The following HECW1 variants were observed in gnomAD, a reference collection of about 807,000 sequenced individuals.
HECW1 encodes the protein HECT, C2 and WW domain containing E3 ubiquitin protein ligase 1.
Under a neutral mutation model 182.3 loss-of-function variants are expected in HECW1, and 61 were observed. The ratio of observed to expected loss-of-function variants is 0.33; its 90% CI spans 0.27 to 0.41. The LOEUF is 0.41. Ranked by LOEUF, HECW1 falls within the 10% of genes least tolerant of loss-of-function variation. The pLI is 1.00. For synonymous variants in HECW1, 859 were observed against 832.6 expected (o/e 1.03, Z -0.55); for missense variants, 1,739 against 2,108.9 (o/e 0.82, Z 3.44).
At chr7:43,115,672 T>C (rs962896826) in intron 2 of HECW1, among the ~76,000 whole-genome samples, 3 of 152,204 alleles carry the variant, frequency 2.0e-5, no homozygotes, top group Non-Finnish European at 4.4e-5. Flanking sequence ...TTTTATAATT[T>C]AGGTATAGTC....
At chr7:43,364,537 C>T (rs1469557298) in intron 6 of HECW1, among the ~76,000 whole-genome samples, 2 of 152,242 alleles carry the variant, frequency 1.3e-5, no homozygotes, top group East Asian at 1.9e-4. Flanking sequence ...TGACCAGGCA[C>T]CTGCAGCAGC....
At position 43,237,140 on chromosome 7, in the gene HECW1, AGTAGGTAGGTAGGTAGGTAG is replaced by A. The variant is rs71008898; in HGVS notation, c.-31-6703_-31-6684del. Among the ~76,000 whole-genome samples the A allele has an allele frequency of 4.6e-3, 622 of 133,960 alleles. 4 individuals are homozygous for A. The highest frequency in any genetic ancestry group is 0.014 in the African/African-American group (541 of 37,854). The allele number at this position is 133,960 out of a possible 152,430, so 87.9% of individuals were successfully genotyped here. On this transcript the variant is annotated intron_variant, in intron 2 of 29. Coordinates refer to ENST00000395891, the MANE Select transcript of HECW1 (RefSeq NM_015052.5). ...AAAAAAAGAAGGAAGGAAGGAAGGA[AGTAGGTAGGTAGGTAGGTAG>A]GTAGGTAGGTAGGTAGGTAGGTAGG...
At chr7:43,554,934 G>A (rs2081969329) in intron 29 of HECW1, 144 bp downstream of exon 29, 1 of 748,116 alleles carries the variant, frequency 1.3e-6, no homozygotes, top group Non-Finnish European at 2.2e-6. Flanking sequence ...AGGGAAAGGT[G>A]AAGGTGAGGT....
At chr7:43,428,387 T>A (rs1305616073) in intron 8 of HECW1, among the ~76,000 whole-genome samples, 1 of 152,240 alleles carries the variant, frequency 6.6e-6, no homozygotes, top group Non-Finnish European at 1.5e-5. Context: ...TTTATCAATG[T>A]GCTCAGTTCA....
chr7:43,164,980 C>G (rs1285826787), intron 2 of HECW1, among the ~76,000 whole-genome samples: 4 of 152,204 alleles, frequency 2.6e-5, no homozygotes, highest in Admixed American at 6.5e-5. Context: ...GTTCCTCTCT[C>G]TCTGAGTCAG....
intron 26 of HECW1, among the ~76,000 whole-genome samples, chr7:43,542,992 T>A (rs1159887541): frequency 6.6e-6 from 1 of 152,182 alleles, no homozygotes; most frequent in East Asian, 1.9e-4. Flanking sequence ...TTTTATCACA[T>A]CCAGATAGCT....
Position 43,445,305 on chromosome 7 carries a change from C to T in HECW1, c.2133C>T (p.Asn711=). 6.2e-7 allele frequency: 1 copy of T among 1,613,486 alleles called. No individual in the cohort carries two copies. Among genetic ancestry groups the T allele is most frequent in the Non-Finnish European group, 8.5e-7 (1 of 1,180,034 alleles). ...SCYSPSCYNG[N]RFASHTRFSS... is the part of the protein sequence containing the mutation. Reference sequence around the variant, plus strand: ...ACAGCCCCTCCTGCTACAACGGCAACAGGTTCGCCAGCCACACGCGCTTCT... The same window carrying T: ...ACAGCCCCTCCTGCTACAACGGCAATAGGTTCGCCAGCCACACGCGCTTCT... Residue 711 remains asparagine (N), a synonymous_variant, in exon 11 of 30, where the codon AAC becomes AAT. Coordinates refer to ENST00000395891, the MANE Select transcript of HECW1 (RefSeq NM_015052.5).
intron 8 of HECW1, among the ~76,000 whole-genome samples, chr7:43,420,918 T>A (rs1032353773): frequency 6.6e-6 from 1 of 152,146 alleles, no homozygotes; most frequent in Admixed American, 6.5e-5. Flanking sequence ...CTGGGAGATA[T>A]GTTAATGTAA....
intron 24 of HECW1, among the ~76,000 whole-genome samples, chr7:43,524,106 G>A (rs185038158): frequency 8.5e-5 from 13 of 152,132 alleles, no homozygotes; most frequent in Non-Finnish European, 1.8e-4. Flanking sequence ...CCACCCCATA[G>A]AGTCTGATCT....
chr7:43,488,878 C>A (rs1447709608), intron 17 of HECW1, among the ~76,000 whole-genome samples: 1 of 152,222 alleles, frequency 6.6e-6, no homozygotes, highest in Non-Finnish European at 1.5e-5. Flanking sequence ...CTCTATCACA[C>A]TCATATTAGG....
chr7:43,265,668 T>G (rs2152736880), intron 3 of HECW1, among the ~76,000 whole-genome samples: 1 of 152,272 alleles, frequency 6.6e-6, no homozygotes, highest in Admixed American at 6.5e-5. Flanking sequence ...TATCCAACAA[T>G]TCAAATCAAT....
intron 2 of HECW1, among the ~76,000 whole-genome samples, chr7:43,201,133 A>G (rs998132852): frequency 2.0e-5 from 3 of 152,192 alleles, no homozygotes; most frequent in Admixed American, 2.0e-4. Flanking sequence ...GGCTGGACTC[A>G]AATCCATCAC....
At chr7:43,115,349 G>C (rs571268185) in intron 2 of HECW1, among the ~76,000 whole-genome samples, 2 of 149,456 alleles carry the variant, frequency 1.3e-5, no homozygotes, top group Non-Finnish European at 2.9e-5. Flanking sequence ...TGGAGGGTTG[G>C]GGAAAAGAGA....
intron 24 of HECW1, chr7:43,511,877 C>T (rs1263288486): frequency 5.5e-6 from 1 of 183,386 alleles, no homozygotes; most frequent in Non-Finnish European, 1.2e-5. Flanking sequence ...GTATTTTGCA[C>T]AAAATGCTGG....
intron 3 of HECW1, among the ~76,000 whole-genome samples, chr7:43,292,216 A>G (rs550189734): frequency 3.3e-5 from 5 of 152,330 alleles, no homozygotes; most frequent in African/African-American, 9.6e-5. Flanking sequence ...CTACAATCAT[A>G]TCTTAGGATA....
intron 17 of HECW1, among the ~76,000 whole-genome samples, 167 bp downstream of exon 17, chr7:43,479,911 T>A (rs181774219): frequency 1.3e-5 from 2 of 152,252 alleles, no homozygotes; most frequent in East Asian, 3.9e-4. Context: ...GACACCCACT[T>A]AACACCCCAG....
chr7:43,243,783 G>A lies in HECW1; in HGVS notation c.-31-92G>A, dbSNP rs574754926. On this transcript the variant is annotated intron_variant, in intron 2 of 29. Coordinates refer to ENST00000395891, the MANE Select transcript of HECW1 (RefSeq NM_015052.5). The surrounding 1 kb of genome is among the most constrained non-coding windows in gnomAD (Gnocchi z 4.0). The stretch of plus-strand genomic sequence containing the variant: ...GCCCAGGCCAGGTATCTTGGCGGGG[G>A]TGGGGGAAACAATGTTGTTTGTGTG... 46 of 987,616 alleles carry A rather than the reference G, an allele frequency of 4.7e-5. No individual in the cohort carries two copies. The highest frequency in any genetic ancestry group is 7.2e-5 in the Non-Finnish European group (44 of 612,176). 61.2% of individuals were successfully genotyped at this position (987,616 alleles called of 1,614,324 possible). A position where few individuals can be genotyped will look rare whatever the true frequency, so the allele number is the denominator to read the frequency against.
At chr7:43,188,932 T>C (rs1356339663) in intron 2 of HECW1, among the ~76,000 whole-genome samples, 1 of 152,218 alleles carries the variant, frequency 6.6e-6, no homozygotes, top group Non-Finnish European at 1.5e-5. Context: ...CTGGTTCTTT[T>C]AAACAGCCTA....
intron 5 of HECW1, among the ~76,000 whole-genome samples, chr7:43,351,157 G>A (rs887835618): frequency 2.0e-5 from 3 of 152,170 alleles, no homozygotes; most frequent in Non-Finnish European, 2.9e-5. Context: ...GCCACCCAGC[G>A]AGTCTACCTG....
Sources: gnomAD v4.1 joint callset for allele counts (sites outside exome capture counted in the v4.1 genomes callset) on GRCh38, gnomAD v4.1.1 for gene constraint, Gnocchi (gnomAD v3.1) non-coding constraint, MANE v1.5 for transcripts, NCBI Gene and HGNC (gene_info 2026-07-23, HGNC 2026-07-21) for gene names.